The following GNG12 variants were observed in gnomAD, a reference collection of about 807,000 sequenced individuals.
GNG12 encodes G protein subunit gamma 12.
For missense variants in GNG12, 69 were observed against 83.8 expected, an observed-to-expected ratio of 0.82 and a Z score of 0.69; for synonymous variants, 28 against 29.7, an observed-to-expected ratio of 0.94 and a Z score of 0.19.
At chr1:67,778,186 A>T (rs1486660274) in intron 1 of GNG12, among the ~76,000 whole-genome samples, 1 of 151,586 alleles carries the variant, frequency 6.6e-6, no homozygotes, top group Non-Finnish European at 1.5e-5. Flanking sequence ...AAAGCAAAAA[A>T]GAAATTAATT....
In GNG12 at chr1:67,806,778, G is replaced by GCT. The variant is rs1196301398; in HGVS notation, c.-77+26564_-77+26565dup. Among the ~76,000 whole-genome samples, 4 of 152,146 alleles carry GCT rather than the reference G, an allele frequency of 2.6e-5. No homozygotes were observed. In the South Asian group the frequency reaches 8.3e-4, roughly 32 times the overall value. Reference sequence around the variant, plus strand: ...ACCTAAGAACAGAGTATCAAAATAAGCTAGGTAAAAAACTAATAGAACTTA... The same window carrying GCT: ...ACCTAAGAACAGAGTATCAAAATAAGCTCTAGGTAAAAAACTAATAGAACTTA... On this transcript the variant is annotated intron_variant, in intron 1 of 3. Transcript: ENST00000370982.
At chr1:67,745,690 T>C (rs1646503709) in intron 2 of GNG12, among the ~76,000 whole-genome samples, 1 of 152,206 alleles carries the variant, frequency 6.6e-6, no homozygotes. Context: ...TCTCCTTTGC[T>C]GGGTAACAGG....
intron 1 of GNG12, among the ~76,000 whole-genome samples, chr1:67,803,454 T>C (rs1646878038): frequency 2.6e-5 from 4 of 152,086 alleles, no homozygotes; most frequent in African/African-American, 4.8e-5. Flanking sequence ...AGGAAGGTGA[T>C]TCGGTAAAAG....
intron 2 of GNG12, among the ~76,000 whole-genome samples, chr1:67,716,414 C>T (rs926335109): frequency 6.6e-6 from 1 of 152,114 alleles, no homozygotes; most frequent in African/African-American, 2.4e-5. Context: ...TGACAATTAC[C>T]ACCATTTACT....
intron 2 of GNG12, among the ~76,000 whole-genome samples, chr1:67,771,618 T>C (rs1024273088): frequency 2.0e-5 from 3 of 152,174 alleles, no homozygotes; most frequent in South Asian, 4.1e-4. Context: ...ATGGGTCCTG[T>C]ACAACACTCT....
intron 2 of GNG12, among the ~76,000 whole-genome samples, chr1:67,718,125 A>G (rs1646337120): frequency 1.3e-5 from 2 of 152,274 alleles, no homozygotes; most frequent in African/African-American, 4.8e-5. Flanking sequence ...CTTCACCTGA[A>G]TTCCAATGTG....
chr1:67,793,252 T>C (rs1218041539), intron 1 of GNG12, among the ~76,000 whole-genome samples: 1 of 152,230 alleles, frequency 6.6e-6, no homozygotes. Context: ...AGTTCAAAGA[T>C]CTGGTCAAAT....
chr1:67,732,044 G>A (rs1216239124), intron 2 of GNG12, among the ~76,000 whole-genome samples: 1 of 152,160 alleles, frequency 6.6e-6, no homozygotes, highest in East Asian at 1.9e-4. Flanking sequence ...GTGGGAAGGT[G>A]CAAAAGAAAA....
intron 1 of GNG12, among the ~76,000 whole-genome samples, chr1:67,792,481 A>G (rs976875528): frequency 6.6e-6 from 1 of 152,162 alleles, no homozygotes; most frequent in African/African-American, 2.4e-5. Flanking sequence ...GTATCTGCCC[A>G]TTGGGGTGTT....
rs201660399 is a variant in GNG12, at chr1:67,809,229, G to GC, written c.-77+24114dup. ...CCAGAACTGGACATCCACATTCCCT[G>GC]CCCCCACCAAAAAAGAAAGAATCTA... On this transcript the variant is annotated intron_variant, in intron 1 of 3. Coordinates refer to ENST00000370982, the MANE Select transcript of GNG12 (RefSeq NM_018841.6). Among the ~76,000 whole-genome samples the GC allele has an allele frequency of 8.3e-3, 1,254 of 151,828 alleles. 16 individuals are homozygous for GC. Among genetic ancestry groups the GC allele is most frequent in the African/African-American group, 0.027 (1,135 of 41,382 alleles).
chr1:67,722,369 G>A (rs1348611479), intron 2 of GNG12, among the ~76,000 whole-genome samples: 1 of 152,140 alleles, frequency 6.6e-6, no homozygotes, highest in African/African-American at 2.4e-5. Flanking sequence ...GCTGGGGCTG[G>A]GCTTCACCAA....
chr1:67,810,948 T>C (rs565052293), intron 1 of GNG12, among the ~76,000 whole-genome samples: 79 of 152,340 alleles, frequency 5.2e-4, no homozygotes, highest in African/African-American at 1.7e-3. Context: ...AGTGTTAACA[T>C]TTCTGTTTGC....
chr1:67,732,532 A>G (rs1646425689), intron 2 of GNG12, among the ~76,000 whole-genome samples: 1 of 152,206 alleles, frequency 6.6e-6, no homozygotes, highest in African/African-American at 2.4e-5. Context: ...AAAGAACAAA[A>G]CACTCCATTG....
chr1:67,812,867 C>T (rs981088651), intron 1 of GNG12, among the ~76,000 whole-genome samples: 8 of 152,148 alleles, frequency 5.3e-5, no homozygotes, highest in East Asian at 1.9e-4. Flanking sequence ...CATTGCAGAA[C>T]GTTTTGCACA....
chr1:67,830,153 G>T (rs1177407402), intron 1 of GNG12, among the ~76,000 whole-genome samples: 1 of 152,100 alleles, frequency 6.6e-6, no homozygotes, highest in Non-Finnish European at 1.5e-5. Flanking sequence ...CTTCAGGCAT[G>T]CGCCATCACG....
At chr1:67,772,952 G>A (rs1646683484) in intron 2 of GNG12, among the ~76,000 whole-genome samples, 2 of 152,242 alleles carry the variant, frequency 1.3e-5, no homozygotes, top group South Asian at 4.1e-4. Context: ...GAATGAAGCT[G>A]AGAGAGCTAA....
intron 1 of GNG12, among the ~76,000 whole-genome samples, chr1:67,799,335 G>A (rs547281576): frequency 1.1e-4 from 17 of 152,300 alleles, no homozygotes; most frequent in South Asian, 8.3e-4. Flanking sequence ...TGGCAGACAC[G>A]TTTATTTGTC....
At chr1:67,756,814 C>A (rs1646571714) in intron 2 of GNG12, among the ~76,000 whole-genome samples, 1 of 152,170 alleles carries the variant, frequency 6.6e-6, no homozygotes, top group African/African-American at 2.4e-5. Context: ...ATCTCTAAAA[C>A]CAATCAACTG....
intron 3 of GNG12, 106 bp from the exon 4 acceptor site, chr1:67,705,682 A>G: frequency 7.1e-7 from 1 of 1,405,370 alleles, no homozygotes; most frequent in Non-Finnish European, 9.3e-7. Flanking sequence ...GATTTGAACA[A>G]GATAATCAGA....
Sources: allele counts gnomAD v4.1 joint callset (sites outside exome capture counted in the v4.1 genomes callset), GRCh38; gene constraint gnomAD v4.1.1; transcripts MANE v1.5; gene names NCBI Gene and HGNC (gene_info 2026-07-23, HGNC 2026-07-21).